Variants in CRACDL observed in about 807,000 individuals in gnomAD.
CRACDL encodes CRACD like.
Under a neutral mutation model 70.6 loss-of-function variants are expected in CRACDL, and 26 were observed. The ratio of observed to expected loss-of-function variants is 0.37; its 90% CI spans 0.27 to 0.51. The LOEUF (loss-of-function observed/expected upper bound fraction) is 0.51. Among genes scored for constraint, CRACDL ranks in the 20% least tolerant of loss-of-function variants. The probability of loss-of-function intolerance (pLI) is 0.94; values close to 1 mark genes in which losing one functional copy is unlikely to be tolerated. For synonymous variants in CRACDL, 618 were observed against 615.2 expected (o/e 1.00, Z -0.07); for missense variants, 1,283 against 1,376.9 (o/e 0.93, Z 1.08).
intron 3 of CRACDL, among the ~76,000 whole-genome samples, chr2:98,837,225 G>T (rs1311356313): frequency 7.7e-6 from 1 of 129,252 alleles, no homozygotes; most frequent in Non-Finnish European, 1.6e-5. Flanking sequence ...AAAAAAAAAA[G>T]GTTCCAATCT....
intron 7 of CRACDL, among the ~76,000 whole-genome samples, chr2:98,813,131 T>A (rs1450614606): frequency 6.6e-6 from 1 of 152,146 alleles, no homozygotes; most frequent in Non-Finnish European, 1.5e-5. Flanking sequence ...TAATATTTTG[T>A]TAAGAATTTT....
intron 1 of CRACDL, among the ~76,000 whole-genome samples, chr2:98,906,142 T>A (rs960077607): frequency 6.6e-6 from 1 of 152,252 alleles, no homozygotes; most frequent in African/African-American, 2.4e-5. Flanking sequence ...TTCGTCACTC[T>A]GTGACTCAGT....
chr2:98,808,675 C>G (rs893996129), intron 7 of CRACDL, among the ~76,000 whole-genome samples: 5 of 152,196 alleles, frequency 3.3e-5, no homozygotes, highest in Admixed American at 2.0e-4. Flanking sequence ...GACCTCACCT[C>G]CTGCCATACC....
rs1314346812 is a variant in CRACDL at position 98,822,674 on chromosome 2, C to T, written c.1599G>A (p.Glu533=). 3.1e-6 allele frequency: 4 copies of T among 1,277,672 alleles called. No individual in the cohort carries two copies. The Admixed American group carries it at 1.3e-4, about 41-fold the overall frequency. The allele number at this position is 1,277,672 out of a possible 1,614,324, so 79.1% of individuals were successfully genotyped here. The change falls in exon 7 of 10, where the codon GAG becomes GAA. Residue 533 remains glutamate, a synonymous_variant. Coordinates refer to ENST00000397899, the MANE Select transcript of CRACDL (RefSeq NM_207362.3). This position sits in a 1 kb window ranked among gnomAD's most constrained non-coding sequence, Gnocchi z 4.9. ...VEPGPGSLDA[E]AAAPERPKAE... ...CCTTGGGGCGCTCCGGGGCGGCGGC[C>T]TCTGCGTCGAGGGAACCGGGGCCGG...
chr2:98,816,688 A>G lies in CRACDL; in HGVS notation c.2416+5169T>C, dbSNP rs546586262. On this transcript the variant is annotated intron_variant, in intron 7 of 9. Coordinates refer to ENST00000397899, the MANE Select transcript of CRACDL (RefSeq NM_207362.3). ...GTCGCTTTGTACTGGGTGACATGCAAGGTTAAGACACACATGGTTGAGGAG... is the reference window on the plus strand; with the variant it reads ...GTCGCTTTGTACTGGGTGACATGCAGGGTTAAGACACACATGGTTGAGGAG... Among the ~76,000 whole-genome samples the G allele has an allele frequency of 5.3e-5, 8 of 152,302 alleles. No individual in the cohort carries two copies. The South Asian group carries it at 1.7e-3, about 32-fold the overall frequency.
intron 7 of CRACDL, among the ~76,000 whole-genome samples, chr2:98,808,830 G>A (rs1052196601): frequency 6.6e-5 from 10 of 152,204 alleles, no homozygotes; most frequent in Non-Finnish European, 2.9e-5. Flanking sequence ...AATGGCTGCC[G>A]TGGAGAAAGT....
intron 7 of CRACDL, among the ~76,000 whole-genome samples, chr2:98,804,078 G>A (rs1364115321): frequency 6.6e-6 from 1 of 152,142 alleles, no homozygotes; most frequent in Non-Finnish European, 1.5e-5. Flanking sequence ...ATACATGCTG[G>A]CAACGTCTAC....
At chr2:98,888,656 T>A (rs75254205) in intron 1 of CRACDL, among the ~76,000 whole-genome samples, 4,380 of 152,158 alleles carry the variant, frequency 0.029, 164 homozygotes, top group South Asian at 0.17. Context: ...CAGATGTAAA[T>A]CCCACCTTAT....
chr2:98,893,440 C>T (rs1181560672), intron 1 of CRACDL, among the ~76,000 whole-genome samples: 1 of 152,146 alleles, frequency 6.6e-6, no homozygotes, highest in Non-Finnish European at 1.5e-5. Context: ...TCCATCACCA[C>T]ACCTGGCTAA....
Position 98,839,957 on chromosome 2 carries a change from A to G in CRACDL, c.71-1670T>C, listed in dbSNP as rs116791411. ...GCTTATCAATTTTAATTGCCTTAAA[A>G]AAGTTTTGCTTTGTTAATTCTTTCA... On this transcript the variant is annotated intron_variant, in intron 2 of 9. Coordinates refer to ENST00000397899, the MANE Select transcript of CRACDL (RefSeq NM_207362.3). Among the ~76,000 whole-genome samples, 653 of 152,236 alleles carry G rather than the reference A, an allele frequency of 4.3e-3. 6 individuals carry two copies. Among genetic ancestry groups the G allele is most frequent in the African/African-American group, 0.015 (626 of 41,546 alleles).
chr2:98,841,363 A>G (rs1353209327), intron 2 of CRACDL, among the ~76,000 whole-genome samples: 2 of 152,136 alleles, frequency 1.3e-5, no homozygotes, highest in Non-Finnish European at 1.5e-5. Flanking sequence ...TTTAAAAAAA[A>G]TTCCATTTAT....
chr2:98,891,181 C>A (rs1043297865), intron 1 of CRACDL, among the ~76,000 whole-genome samples: 6 of 151,554 alleles, frequency 4.0e-5, no homozygotes, highest in African/African-American at 1.2e-4. Context: ...TAGTTCAATA[C>A]CAGCCTGGCC....
At chr2:98,884,475 G>A (rs1359014523) in intron 1 of CRACDL, among the ~76,000 whole-genome samples, 1 of 152,206 alleles carries the variant, frequency 6.6e-6, no homozygotes, top group Non-Finnish European at 1.5e-5. Context: ...CAGGCAGCAG[G>A]ACATCCCTGC....
rs753847912 is a variant in CRACDL at position 98,822,832 on chromosome 2, T to G, written c.1441A>C (p.Thr481Pro). The G allele has an allele frequency of 2.8e-6, 4 of 1,438,170 alleles. No individual in the cohort carries two copies. The Admixed American group carries it at 1.1e-4, about 39-fold the overall frequency. The allele number at this position is 1,438,170 out of a possible 1,614,324, so 89.1% of individuals were successfully genotyped here. Reference protein sequence around the residue: ...GAGTEPERIGTEPSTAPAPSP... With the variant: ...GAGTEPERIGPEPSTAPAPSP... ...GGGGCGGGCGCCGTGGAGGGCTCGG[T>G]CCCAATTCTCTCGGGCTCGGTCCCC... Residue 481 changes from threonine (T) to proline (P), a missense_variant, in exon 7 of 10, where the codon ACC (threonine) becomes CCC (proline). Transcript: ENST00000397899. This position sits in a 1 kb window ranked among gnomAD's most constrained non-coding sequence, Gnocchi z 4.9.
chr2:98,864,512 T>C lies in CRACDL; in HGVS notation c.-10-17702A>G, dbSNP rs372108252. ...TCTAAAATTAGATTGTGTTCCTTGG[T>C]GCACAACTCTTTAACAAAAACCCAT... is the stretch of plus-strand genomic sequence containing the variant. On this transcript the variant is annotated intron_variant, in intron 1 of 9. Coordinates refer to ENST00000397899, the MANE Select transcript of CRACDL (RefSeq NM_207362.3). Among the ~76,000 whole-genome samples the C allele has an allele frequency of 6.6e-5, 10 of 151,516 alleles. No homozygotes were observed. In the East Asian group the frequency reaches 1.4e-3, roughly 21 times the overall value.
intron 5 of CRACDL, among the ~76,000 whole-genome samples, chr2:98,828,491 C>T (rs72811005): frequency 0.014 from 2,124 of 152,298 alleles, 39 homozygotes; most frequent in East Asian, 0.085. Context: ...GTCATGGGCA[C>T]ATCCGCTGTT....
chr2:98,867,539 T>TA (rs139120396), intron 1 of CRACDL, among the ~76,000 whole-genome samples: 60 of 148,502 alleles, frequency 4.0e-4, no homozygotes, highest in African/African-American at 1.2e-3. Context: ...GTCATTAGAC[T>TA]AAAAAAAAAA....
intron 1 of CRACDL, among the ~76,000 whole-genome samples, chr2:98,896,877 T>C (rs1708140182): frequency 6.6e-6 from 1 of 152,182 alleles, no homozygotes; most frequent in South Asian, 2.1e-4. Flanking sequence ...AAATAGAAAC[T>C]AAGAACCCAT....
intron 3 of CRACDL, among the ~76,000 whole-genome samples, chr2:98,837,084 C>CA (rs35180684): frequency 0.01 from 1,236 of 118,586 alleles, 13 homozygotes; most frequent in East Asian, 0.06. Context: ...GACTCCGTCT[C>CA]AAAAAAAAAA....
Sources: gnomAD v4.1 joint callset for allele counts (sites outside exome capture counted in the v4.1 genomes callset) on GRCh38, gnomAD v4.1.1 for gene constraint, Gnocchi (gnomAD v3.1) non-coding constraint, MANE v1.5 for transcripts, NCBI Gene and HGNC (gene_info 2026-07-23, HGNC 2026-07-21) for gene names.